Variants in TMEM178B observed in about 807,000 individuals in gnomAD.
TMEM178B encodes the protein transmembrane protein 178B.
A neutral mutation model predicts 31.0 loss-of-function variants in TMEM178B; 5 were observed. The ratio of observed to expected loss-of-function variants is 0.16; its 90% CI spans 0.08 to 0.34. The LOEUF is 0.34. Among genes scored for constraint, TMEM178B ranks in the 10% least tolerant of loss-of-function variants. The pLI, the probability that TMEM178B is intolerant of heterozygous loss-of-function variation, is 1.00. For missense variants in TMEM178B, 275 were observed against 400.3 expected (o/e 0.69, Z 2.67); for synonymous variants, 164 against 164.0 (o/e 1.00, Z 0.00).
chr7:141,388,836 C>A (rs1319733652), intron 2 of TMEM178B, among the ~76,000 whole-genome samples: 3 of 152,128 alleles, frequency 2.0e-5, no homozygotes, highest in Non-Finnish European at 4.4e-5. Flanking sequence ...CATACATAAA[C>A]AAACAAAAAT....
chr7:141,432,049 A>T (rs75163906), intron 2 of TMEM178B, among the ~76,000 whole-genome samples: 1 of 151,884 alleles, frequency 6.6e-6, no homozygotes, highest in Non-Finnish European at 1.5e-5. Flanking sequence ...TATGGGATAG[A>T]ATAACCTTTC....
chr7:141,351,780 C>G lies in TMEM178B; in HGVS notation c.497-85828C>G, dbSNP rs955685634. ...ATTTTATGACCCTTTTTAGCACCCC[C>G]CAACTTCAGATCACTGAACCAGGTA... On this transcript the variant is annotated intron_variant, in intron 2 of 3. Coordinates refer to ENST00000565468, the MANE Select transcript of TMEM178B (RefSeq NM_001195278.2). Among the ~76,000 whole-genome samples, 5 of 152,130 alleles carry G rather than the reference C, an allele frequency of 3.3e-5. No homozygotes were observed. The South Asian group carries it at 1.0e-3, about 32-fold the overall frequency.
At chr7:141,434,574 T>C (rs1046114647) in intron 2 of TMEM178B, among the ~76,000 whole-genome samples, 1 of 152,228 alleles carries the variant, frequency 6.6e-6, no homozygotes, top group Admixed American at 6.5e-5. Flanking sequence ...AATGATCAAG[T>C]CGGGATATTG....
Position 141,172,564 on chromosome 7 carries a change from G to A in TMEM178B, c.383-40027G>A, listed in dbSNP as rs550483982. Among the ~76,000 whole-genome samples, 10 of 152,288 alleles carry A rather than the reference G, an allele frequency of 6.6e-5. No individual in the cohort carries two copies. The East Asian group carries it at 1.7e-3, about 26-fold the overall frequency. On this transcript the variant is annotated intron_variant, in intron 1 of 3. Transcript: ENST00000565468. ...GTGGTGCTGTGTCTAGCATCTACAA[G>A]GAGCAGGCTCGGTTTCAGAGCCTCT...
At chr7:141,211,949 C>T (rs931695315) in intron 1 of TMEM178B, among the ~76,000 whole-genome samples, 1 of 152,134 alleles carries the variant, frequency 6.6e-6, no homozygotes, top group African/African-American at 2.4e-5. Context: ...GAATCTCTGC[C>T]CTAAGATCTA....
At chr7:141,128,542 A>G (rs1167110455) in intron 1 of TMEM178B, among the ~76,000 whole-genome samples, 1 of 146,984 alleles carries the variant, frequency 6.8e-6, no homozygotes, top group African/African-American at 2.5e-5. Flanking sequence ...TGGATCCTTG[A>G]AAAAAAAAAA....
chr7:141,112,615 A>G (rs886554117), intron 1 of TMEM178B, among the ~76,000 whole-genome samples: 1 of 152,248 alleles, frequency 6.6e-6, no homozygotes, highest in Non-Finnish European at 1.5e-5. Context: ...CCAAAGTATC[A>G]GTAATTTCTT....
intron 3 of TMEM178B, among the ~76,000 whole-genome samples, chr7:141,441,584 G>A (rs1801660372): frequency 6.6e-6 from 1 of 152,192 alleles, no homozygotes; most frequent in East Asian, 1.9e-4. Context: ...GACAACATCA[G>A]CAGTGCCTGG....
the TMEM178B span, among the ~76,000 whole-genome samples, chr7:141,496,665 G>C: frequency 0.062 from 5,789 of 92,738 alleles, 476 homozygotes; most frequent in African/African-American, 0.25. Context: ...GCGAGACTCC[G>C]TCTCAAAAAA....
intron 2 of TMEM178B, among the ~76,000 whole-genome samples, chr7:141,256,363 TG>T (rs1338234211): frequency 6.6e-6 from 1 of 152,144 alleles, no homozygotes; most frequent in African/African-American, 2.4e-5. Context: ...ATACATTTAA[TG>T]GGAAAACCAA....
intron 2 of TMEM178B, among the ~76,000 whole-genome samples, chr7:141,363,786 C>T (rs1799957089): frequency 6.6e-6 from 1 of 152,014 alleles, no homozygotes; most frequent in Non-Finnish European, 1.5e-5. Flanking sequence ...AGGCTATTCT[C>T]AAAGTTAAGT....
intron 1 of TMEM178B, among the ~76,000 whole-genome samples, chr7:141,076,842 A>G (rs1382702922): frequency 3.3e-5 from 5 of 152,128 alleles, no homozygotes; most frequent in African/African-American, 4.8e-5. Context: ...AAATACAGCA[A>G]TCACTGTCAG....
chr7:141,495,903 G>A, the TMEM178B span, among the ~76,000 whole-genome samples: 1 of 152,204 alleles, frequency 6.6e-6, no homozygotes, highest in South Asian at 2.1e-4. Context: ...CTGGACTGGG[G>A]GAAGAAAATT....
chr7:141,092,410 T>C (rs1176737776), intron 1 of TMEM178B, among the ~76,000 whole-genome samples: 2 of 152,186 alleles, frequency 1.3e-5, no homozygotes, highest in African/African-American at 2.4e-5. Context: ...ACTTACAGTC[T>C]ACCTGTGCAA....
intron 2 of TMEM178B, among the ~76,000 whole-genome samples, chr7:141,239,817 C>A (rs1797591266): frequency 2.0e-5 from 3 of 148,966 alleles, no homozygotes; most frequent in Admixed American, 6.7e-5. Context: ...TTCTAGAATA[C>A]CATCAACCTC....
intron 2 of TMEM178B, among the ~76,000 whole-genome samples, chr7:141,419,930 T>C (rs1173628156): frequency 6.6e-5 from 10 of 152,156 alleles, no homozygotes; most frequent in Non-Finnish European, 2.9e-5. Flanking sequence ...ATATAGAACA[T>C]TTACTCTTTC....
intron 2 of TMEM178B, chr7:141,431,190 A>G (rs1801422613): frequency 6.6e-6 from 1 of 152,060 alleles, no homozygotes; most frequent in Non-Finnish European, 1.5e-5. Context: ...TTTCCATGAA[A>G]AAAAAATCCC....
chr7:141,148,196 C>T (rs1350843999), intron 1 of TMEM178B, among the ~76,000 whole-genome samples: 1 of 152,150 alleles, frequency 6.6e-6, no homozygotes, highest in Non-Finnish European at 1.5e-5. Context: ...TTCTATTGTC[C>T]ATCATCTTCT....
At chr7:141,350,474 A>T (rs904594657) in intron 2 of TMEM178B, among the ~76,000 whole-genome samples, 4 of 152,200 alleles carry the variant, frequency 2.6e-5, no homozygotes, top group African/African-American at 4.8e-5. Flanking sequence ...GGAGAAGATA[A>T]TTAATATTTG....
Sources: allele counts gnomAD v4.1 joint callset (sites outside exome capture counted in the v4.1 genomes callset), GRCh38; gene constraint gnomAD v4.1.1; transcripts MANE v1.5; gene names NCBI Gene and HGNC (gene_info 2026-07-23, HGNC 2026-07-21).